Variants in AKAP17A observed in about 807,000 individuals in gnomAD.
AKAP17A encodes A-kinase anchor protein 17A.
In AKAP17A, 15 loss-of-function variants were observed where a neutral mutation model predicts 52.2. The ratio of observed to expected loss-of-function variants is 0.29; its 90% CI spans 0.19 to 0.44. The LOEUF (loss-of-function observed/expected upper bound fraction) is 0.44, where lower values mean the gene tolerates loss of function less well. Among genes scored for constraint, AKAP17A ranks in the 20% least tolerant of loss-of-function variants. The probability of loss-of-function intolerance (pLI) is 1.00; values close to 1 mark genes in which losing one functional copy is unlikely to be tolerated. For synonymous variants in AKAP17A, 514 were observed against 424.7 expected (o/e 1.21, Z -2.58); for missense variants, 1,060 against 1,007.0 (o/e 1.05, Z -0.71).
Position 1,601,089 on chromosome X carries a change from C to T in AKAP17A, c.1583C>T (p.Ser528Phe), listed in dbSNP as rs371343245. 5.6e-6 allele frequency: 9 copies of T among 1,613,558 alleles called. No homozygotes were observed. The East Asian group carries it at 8.9e-5, about 16-fold the overall frequency. The change falls in exon 5 of 5, where the codon TCC (serine) becomes TTC (phenylalanine). Residue 528 changes from serine to phenylalanine, a missense_variant. This residue lies in a region of AKAP17A where 793 missense variants were observed against 629.9 expected (regional missense o/e 1.26). Transcript: ENST00000313871. ...GCCCCATGCAAGGAGGTTCAGAGCT[C>T]CTGTCGTGTGGTCCCCGAGGATGGC... ...EEAPCKEVQS[S>F]CRVVPEDGSP... is the part of the protein sequence containing the mutation.
In AKAP17A at chrX:1,593,437, GT is replaced by G. The variant is rs1932874702; in HGVS notation, c.-19-4del. The G allele has an allele frequency of 1.9e-6, 3 of 1,599,356 alleles. No individual in the cohort carries two copies. Among genetic ancestry groups the G allele is most frequent in the Non-Finnish European group, 2.6e-6 (3 of 1,170,552 alleles). On this transcript the variant is annotated splice_region_variant and splice_polypyrimidine_tract_variant and intron_variant, in intron 1 of 4. Transcript: ENST00000313871. ...CTGGTGCTGACTGTCTGCGTCTTAT[GT>G]TTCAGGCCCAAGGTCCCGGAGGCTA...
At chrX:1,598,356 C>T (rs1189728955) in intron 3 of AKAP17A, among the ~76,000 whole-genome samples, 2 of 152,158 alleles carry the variant, frequency 1.3e-5, no homozygotes, top group African/African-American at 2.4e-5. Flanking sequence ...GCCTGCTCCT[C>T]CTTGTCCCCG....
chrX:1,593,161 G>C (rs1762920881), intron 1 of AKAP17A, among the ~76,000 whole-genome samples: 1 of 152,154 alleles, frequency 6.6e-6, no homozygotes, highest in African/African-American at 2.4e-5. Context: ...GGAGCTGCTG[G>C]CTGCTGGATG....
In AKAP17A at chrX:1,601,312, G is replaced by C. The variant is rs1436102072; in HGVS notation, c.1806G>C (p.Glu602Asp). ...GDGLADRHKR[E>D]RSRARRASSR... ...GGCTTGCTGACCGGCACAAGCGGGAGAGGAGCCGGGCCAGGCGGGCCAGCA... is the reference window on the plus strand; with the variant it reads ...GGCTTGCTGACCGGCACAAGCGGGACAGGAGCCGGGCCAGGCGGGCCAGCA... Residue 602 changes from glutamate to aspartate, a missense_variant, in exon 5 of 5, where the codon GAG (glutamate) becomes GAC (aspartate). By Grantham distance (45) the Glu-to-Asp change is conservative. Transcript: ENST00000313871. The C allele has an allele frequency of 5.6e-6, 9 of 1,606,698 alleles. No homozygotes were observed. The highest frequency in any genetic ancestry group is 5.5e-5 in the South Asian group (5 of 90,868).
intron 3 of AKAP17A, 26 bp from the exon 4 acceptor site, chrX:1,599,166 G>T (rs773794952): frequency 6.2e-7 from 1 of 1,605,646 alleles, no homozygotes; most frequent in Non-Finnish European, 8.5e-7. Flanking sequence ...CGCTCTCTGT[G>T]ACCACCCCCG....
rs773579195 is a variant in AKAP17A, at chrX:1,592,102, A to G, written c.-20+333A>G. On this transcript the variant is annotated intron_variant, in intron 1 of 4. Coordinates refer to ENST00000313871, the MANE Select transcript of AKAP17A (RefSeq NM_005088.3). ...GCTCGGGGGATCGGATGGGCGGGAGACTAGGAGGCCTGGGACTAGGGGACG... is the reference window on the plus strand; with the variant it reads ...GCTCGGGGGATCGGATGGGCGGGAGGCTAGGAGGCCTGGGACTAGGGGACG... 8.7e-5 allele frequency among the ~76,000 whole-genome samples: 13 copies of G among 149,332 alleles called. No homozygotes were observed. The South Asian group carries it at 2.4e-3, about 27-fold the overall frequency.
chrX:1,597,645 C>G (rs770037214), intron 3 of AKAP17A, among the ~76,000 whole-genome samples: 1 of 152,026 alleles, frequency 6.6e-6, no homozygotes, highest in East Asian at 1.9e-4. Flanking sequence ...GACTCAGAGC[C>G]TCGGACCTCT....
chrX:1,599,196 C>G lies in AKAP17A; in HGVS notation c.916C>G (p.Gln306Glu), dbSNP rs771357862. 1.9e-6 allele frequency: 3 copies of G among 1,611,658 alleles called. No homozygotes were observed. The South Asian group carries it at 3.3e-5, about 18-fold the overall frequency. ...CCCCCGGTGTGTTCCACACAGGAAA[C>G]AAAAGGAGCTGGAAGAGCTGGAGCG... is the stretch of plus-strand genomic sequence containing the variant. ...EERQRAEERK[Q>E]KELEELERER... The change falls in exon 4 of 5, where the codon CAA becomes GAA. Residue 306 changes from glutamine to glutamate, a missense_variant. By Grantham distance (29) the Gln-to-Glu change is conservative (BLOSUM62 2). This residue lies in a region of AKAP17A where 793 missense variants were observed against 629.9 expected (regional missense o/e 1.26). Transcript: ENST00000313871.
intron 3 of AKAP17A, among the ~76,000 whole-genome samples, chrX:1,596,238 A>AC (rs1413689819): frequency 3.3e-5 from 5 of 149,350 alleles, no homozygotes; most frequent in East Asian, 2.0e-4. Context: ...AAAAAAAAAA[A>AC]AAAAACAAAA....
Position 1,596,436 on chromosome X carries a change from C to T in AKAP17A, c.911+904C>T, listed in dbSNP as rs1292504799. Reference sequence around the variant, plus strand: ...TCCCCTGAGGCGGAATCCTCCTCCTCCTCCTCCTCCTCCATCCCTCCCACC... The same window carrying T: ...TCCCCTGAGGCGGAATCCTCCTCCTTCTCCTCCTCCTCCATCCCTCCCACC... On this transcript the variant is annotated intron_variant, in intron 3 of 4. Transcript: ENST00000313871. Among the ~76,000 whole-genome samples, 78 of 110,666 alleles carry T rather than the reference C, an allele frequency of 7.0e-4. 2 individuals are homozygous for T. Among genetic ancestry groups the T allele is most frequent in the Non-Finnish European group, 1.3e-3 (66 of 49,612 alleles). The allele number at this position is 110,666 out of a possible 152,430, so 72.6% of individuals were successfully genotyped here. A position where few individuals can be genotyped will look rare whatever the true frequency, so the allele number is the denominator to read the frequency against.
Position 1,593,612 on chromosome X carries a change from G to C in AKAP17A, c.150G>C (p.Glu50Asp). 1 of 1,613,898 alleles carries C rather than the reference G, an allele frequency of 6.2e-7. No homozygotes were observed. The highest frequency in any genetic ancestry group is 8.5e-7 in the Non-Finnish European group (1 of 1,179,862). ...CGGGGAAGTCCATCTCCAACTGGGA[G>C]GTGATGGAGAGGCTGAAGGGCATGG... ...KQPGKSISNW[E>D]VMERLKGMVQ... The change falls in exon 2 of 5, where the codon GAG becomes GAC. Residue 50 changes from glutamate (E) to aspartate (D), a missense_variant. Transcript: ENST00000313871.
At chrX:1,595,589 C>T (rs770974565) in intron 3 of AKAP17A, 57 bp downstream of exon 3, 35 of 1,608,496 alleles carry the variant, frequency 2.2e-5, no homozygotes, top group Non-Finnish European at 1.9e-5. Context: ...GGAGTGTGCG[C>T]AGACCCGTGT....
At chrX:1,594,450 G>T (rs764054775) in intron 2 of AKAP17A, among the ~76,000 whole-genome samples, 22 of 152,212 alleles carry the variant, frequency 1.4e-4, no homozygotes, top group African/African-American at 4.1e-4. Flanking sequence ...AGGAAGATGT[G>T]GGGGAGACAC....
At chrX:1,593,277 C>T (rs1932870418) in intron 1 of AKAP17A, among the ~76,000 whole-genome samples, 167 bp from the exon 2 acceptor site, 1 of 152,170 alleles carries the variant, frequency 6.6e-6, no homozygotes, top group African/African-American at 2.4e-5. Context: ...AAGTAAAGAA[C>T]TCCGTTGAGA....
chrX:1,594,877 A>C (rs1932911646), intron 2 of AKAP17A, among the ~76,000 whole-genome samples: 1 of 152,150 alleles, frequency 6.6e-6, no homozygotes, highest in Admixed American at 6.5e-5. Context: ...TCGCCCTCCC[A>C]AAGTGCTGGG....
At chrX:1,591,917 C>G (rs1410787653) in intron 1 of AKAP17A, 148 bp downstream of exon 1, 1 of 117,112 alleles carries the variant, frequency 8.5e-6, no homozygotes, top group Non-Finnish European at 1.7e-5. Context: ...TGGGGTGCCA[C>G]CGGGGGGCTG....
chrX:1,600,890 G>T lies in AKAP17A; in HGVS notation c.1384G>T (p.Asp462Tyr). ...THDELGVAHA[D>Y]LLQPVLDILQ... ...CGACGAGCTGGGCGTGGCACACGCCGACCTGCTGCAGCCCGTCCTGGACAT... is the reference window on the plus strand; with the variant it reads ...CGACGAGCTGGGCGTGGCACACGCCTACCTGCTGCAGCCCGTCCTGGACAT... The change falls in exon 5 of 5, where the codon GAC (aspartate) becomes TAC (tyrosine). Residue 462 changes from aspartate to tyrosine, a missense_variant. Asp to Tyr is a radical substitution (Grantham distance 160). Transcript: ENST00000313871. 1 of 1,578,338 alleles carries T rather than the reference G, an allele frequency of 6.3e-7. No individual in the cohort carries two copies. Among genetic ancestry groups the T allele is most frequent in the Non-Finnish European group, 8.6e-7 (1 of 1,166,418 alleles).
Position 1,593,429 on chromosome X carries a change from C to G in AKAP17A, c.-19-15C>G, listed in dbSNP as rs776457540. On this transcript the variant is annotated splice_polypyrimidine_tract_variant and intron_variant, in intron 1 of 4. Transcript: ENST00000313871. ...GGGGGGTGCTGGTGCTGACTGTCTG[C>G]GTCTTATGTTTCAGGCCCAAGGTCC... 6.3e-7 allele frequency: 1 copy of G among 1,591,970 alleles called. No individual in the cohort carries two copies. Among genetic ancestry groups the G allele is most frequent in the East Asian group, 2.2e-5 (1 of 44,610 alleles).
At chrX:1,599,771 C>T (rs1390478116) in intron 4 of AKAP17A, 1 of 607,102 alleles carries the variant, frequency 1.6e-6, no homozygotes. Flanking sequence ...TCCCTCTGGC[C>T]CGCGCCTCTG....
Sources: gnomAD v4.1 joint callset for allele counts (sites outside exome capture counted in the v4.1 genomes callset) on GRCh38, gnomAD v4.1.1 for gene constraint, gnomAD v4.1.1 regional missense constraint, MANE v1.5 for transcripts, NCBI Gene and HGNC (gene_info 2026-07-23, HGNC 2026-07-21) for gene names.